The following C7orf78 variants were observed in gnomAD, a reference collection of about 807,000 sequenced individuals.
C7orf78 encodes putative uncharacterized protein C7orf78.
At chr7:12,495,908 G>A in the C7orf78 span, among the ~76,000 whole-genome samples, 1 of 152,032 alleles carries the variant, frequency 6.6e-6, no homozygotes, top group South Asian at 2.1e-4. Flanking sequence ...CAAATTTGTG[G>A]AGCTGAGAAA....
the C7orf78 span, among the ~76,000 whole-genome samples, chr7:12,493,762 A>G: frequency 2.6e-5 from 4 of 152,156 alleles, no homozygotes; most frequent in South Asian, 2.1e-4. Flanking sequence ...ACTACTCCCA[A>G]AGATTGCTGT....
the C7orf78 span, among the ~76,000 whole-genome samples, chr7:12,506,358 C>A: frequency 8.3e-6 from 1 of 120,958 alleles, no homozygotes. Flanking sequence ...TTTATTACGG[C>A]ACTATTCACA....
the C7orf78 span, among the ~76,000 whole-genome samples, chr7:12,508,994 TAATAGA>T: frequency 6.6e-6 from 1 of 152,190 alleles, no homozygotes; most frequent in Non-Finnish European, 1.5e-5. Context: ...AATGTAATAA[TAATAGA>T]AATAAAGTGC....
At chr7:12,538,438 ACAGGGGCAAAAAGCT>A in the C7orf78 span, 1 of 152,270 alleles carries the variant, frequency 6.6e-6, no homozygotes, top group Non-Finnish European at 1.5e-5. Flanking sequence ...AATGGAAGAA[ACAGGGGCAAAAAGCT>A]CAGGTAACAG....
At chr7:12,489,099 A>G in the C7orf78 span, among the ~76,000 whole-genome samples, 1 of 152,076 alleles carries the variant, frequency 6.6e-6, no homozygotes, top group Non-Finnish European at 1.5e-5. Context: ...CTAGAATAAG[A>G]AGTATTGGGG....
the C7orf78 span, among the ~76,000 whole-genome samples, chr7:12,514,761 C>A: frequency 1.3e-5 from 2 of 151,988 alleles, no homozygotes; most frequent in Admixed American, 6.5e-5. Flanking sequence ...ATGACTGATC[C>A]TTTCCCTTTC....
chr7:12,494,125 T>C, the C7orf78 span, among the ~76,000 whole-genome samples: 1 of 152,046 alleles, frequency 6.6e-6, no homozygotes. Context: ...GGATGACAAA[T>C]AGACTATAAG....
At chr7:12,496,840 A>C in the C7orf78 span, among the ~76,000 whole-genome samples, 1 of 152,236 alleles carries the variant, frequency 6.6e-6, no homozygotes, top group Non-Finnish European at 1.5e-5. Context: ...GGTTAATTCT[A>C]TTTCCAAAAC....
chr7:12,520,727 G>T, the C7orf78 span, among the ~76,000 whole-genome samples: 2 of 152,124 alleles, frequency 1.3e-5, no homozygotes, highest in Admixed American at 1.3e-4. Context: ...TTCTGTAAAC[G>T]TCTGTTAGGT....
chr7:12,540,628 C>G, the C7orf78 span, among the ~76,000 whole-genome samples: 1 of 152,206 alleles, frequency 6.6e-6, no homozygotes. Context: ...CCCTCAGTTG[C>G]ATGTGCATGC....
the C7orf78 span, among the ~76,000 whole-genome samples, chr7:12,489,254 T>C: frequency 7.0e-6 from 1 of 142,736 alleles, no homozygotes; most frequent in Admixed American, 7.3e-5. Flanking sequence ...ATTTGGCATG[T>C]ATATATCATC....
At chr7:12,524,827 T>TAATAAATA in the C7orf78 span, among the ~76,000 whole-genome samples, 20 of 151,708 alleles carry the variant, frequency 1.3e-4, no homozygotes, top group East Asian at 9.7e-4. Context: ...CAAAAAATAA[T>TAATAAATA]AATAAATAAA....
chr7:12,492,778 T>A, the C7orf78 span, among the ~76,000 whole-genome samples: 1 of 152,152 alleles, frequency 6.6e-6, no homozygotes, highest in African/African-American at 2.4e-5. Flanking sequence ...GTAAAACAGG[T>A]CTCTGTTTAC....
chr7:12,501,633 T>A, the C7orf78 span, among the ~76,000 whole-genome samples: 1 of 133,340 alleles, frequency 7.5e-6, no homozygotes, highest in African/African-American at 2.8e-5. Flanking sequence ...GAAGAATCAA[T>A]ATCGTGAAAA....
the C7orf78 span, among the ~76,000 whole-genome samples, chr7:12,495,012 G>T: frequency 2.6e-5 from 4 of 152,258 alleles, no homozygotes; most frequent in South Asian, 8.3e-4. Context: ...TAGTCAGTCT[G>T]TTCTGCCCGT....
chr7:12,483,977 T>C, the C7orf78 span: 24,953 of 151,982 alleles, frequency 0.16, 2,447 homozygotes, highest in African/African-American at 0.28. Flanking sequence ...GTTTCTCTTA[T>C]TATTTTGAGT....
the C7orf78 span, among the ~76,000 whole-genome samples, chr7:12,495,488 C>T: frequency 1.3e-5 from 2 of 152,104 alleles, no homozygotes; most frequent in African/African-American, 4.8e-5. Flanking sequence ...TTTTACTATC[C>T]TCTCACCTTT....
At chr7:12,537,108 G>A in the C7orf78 span, among the ~76,000 whole-genome samples, 1 of 152,142 alleles carries the variant, frequency 6.6e-6, no homozygotes, top group Non-Finnish European at 1.5e-5. Context: ...ACCAGTACCA[G>A]TTTACTGTAT....
At chr7:12,506,092 A>T in the C7orf78 span, 3 of 152,580 alleles carry the variant, frequency 2.0e-5, no homozygotes. Context: ...CCACAATGAG[A>T]TATCATCTCA....
Sources: gnomAD v4.1 joint callset for allele counts (sites outside exome capture counted in the v4.1 genomes callset) on GRCh38, gnomAD v4.1.1 for gene constraint, MANE v1.5 for transcripts, NCBI Gene and HGNC (gene_info 2026-07-23, HGNC 2026-07-21) for gene names.